PLXNA4: variants seen among roughly 807,000 people sequenced by gnomAD.
PLXNA4 encodes the protein plexin-A4.
A neutral mutation model predicts 191.8 loss-of-function variants in PLXNA4; 44 were observed. The ratio of observed to expected loss-of-function variants is 0.23; its 90% CI spans 0.18 to 0.29. The LOEUF is 0.29. Ranked by LOEUF, PLXNA4 falls within the 10% of genes least tolerant of loss-of-function variation. The pLI is 1.00. For missense variants in PLXNA4, 1,800 were observed against 2,488.8 expected (o/e 0.72, Z 5.89); for synonymous variants, 1,082 against 1,009.5 (o/e 1.07, Z -1.36).
At chr7:132,630,733 A>G (rs1474050918) in intron 2 of PLXNA4, among the ~76,000 whole-genome samples, 1 of 152,020 alleles carries the variant, frequency 6.6e-6, no homozygotes, top group Non-Finnish European at 1.5e-5. Context: ...GGATGGTCTC[A>G]ATCTCCTGAC....
At position 132,467,509 on chromosome 7, in the gene PLXNA4, C is replaced by T. The variant is rs1413241680; in HGVS notation, c.1371+21783G>A. On this transcript the variant is annotated intron_variant, in intron 3 of 31. Transcript: ENST00000321063. ...GCTCACCAATGGTACTCACCAAAAA[C>T]TTCTTTGAAGATCCCACCTCTCAGC... Among the ~76,000 whole-genome samples, 3 of 152,188 alleles carry T rather than the reference C, an allele frequency of 2.0e-5. No homozygotes were observed. In the East Asian group the frequency reaches 5.8e-4, roughly 29 times the overall value.
At chr7:132,375,817 G>A (rs371372897) in intron 3 of PLXNA4, among the ~76,000 whole-genome samples, 9 of 152,212 alleles carry the variant, frequency 5.9e-5, no homozygotes, top group African/African-American at 2.2e-4. Flanking sequence ...TGGCATGTGG[G>A]GGAACAAAGC....
intron 14 of PLXNA4, 111 bp downstream of exon 14, chr7:132,193,951 A>T (rs1473719526): frequency 3.6e-6 from 5 of 1,390,360 alleles, no homozygotes; most frequent in East Asian, 4.9e-5. Flanking sequence ...GGGAGGTTGC[A>T]GGGCAGGCCC....
chr7:132,261,125 C>T (rs1329716639), intron 4 of PLXNA4, among the ~76,000 whole-genome samples: 4 of 152,206 alleles, frequency 2.6e-5, no homozygotes, highest in African/African-American at 9.6e-5. Flanking sequence ...ATTCAAATGT[C>T]CTTCCTTGCT....
chr7:132,473,258 T>G (rs1481998675), intron 3 of PLXNA4, among the ~76,000 whole-genome samples: 2 of 152,226 alleles, frequency 1.3e-5, no homozygotes, highest in Non-Finnish European at 2.9e-5. Context: ...TTGGTTTTTC[T>G]GGCTTCCTTA....
intron 3 of PLXNA4, among the ~76,000 whole-genome samples, chr7:132,438,475 C>T (rs2288981): frequency 0.7 from 106,506 of 152,146 alleles, 43,413 homozygotes; most frequent in Non-Finnish European, 0.91. Flanking sequence ...AAGAAAGCCA[C>T]AGTTCATATT....
chr7:132,311,112 C>A (rs1273387338), intron 3 of PLXNA4, among the ~76,000 whole-genome samples: 1 of 150,164 alleles, frequency 6.7e-6, no homozygotes, highest in African/African-American at 2.5e-5. Flanking sequence ...GGGATCTATA[C>A]CAGGATTTCA....
At chr7:132,208,336 G>A (rs965095523) in intron 10 of PLXNA4, among the ~76,000 whole-genome samples, 1 of 152,188 alleles carries the variant, frequency 6.6e-6, no homozygotes, top group East Asian at 1.9e-4. Context: ...ACTTTAAAAT[G>A]GTAGAGAAAT....
chr7:132,290,443 ATCT>A (rs1197942095), intron 4 of PLXNA4, among the ~76,000 whole-genome samples: 9 of 152,090 alleles, frequency 5.9e-5, no homozygotes, highest in African/African-American at 1.9e-4. Flanking sequence ...CTGCCACCTC[ATCT>A]TCTCATTTAT....
At chr7:132,235,233 G>T (rs964335535) in intron 5 of PLXNA4, among the ~76,000 whole-genome samples, 1 of 152,236 alleles carries the variant, frequency 6.6e-6, no homozygotes, top group Non-Finnish European at 1.5e-5. Flanking sequence ...GGCCACTTCA[G>T]GCATGAGGAC....
intron 3 of PLXNA4, among the ~76,000 whole-genome samples, chr7:132,481,859 T>A (rs1797351214): frequency 1.3e-5 from 2 of 152,208 alleles, no homozygotes; most frequent in African/African-American, 4.8e-5. Context: ...GCCTCCTTGT[T>A]GAGGAAGTTT....
intron 4 of PLXNA4, among the ~76,000 whole-genome samples, chr7:132,256,876 G>A (rs976657519): frequency 6.6e-6 from 1 of 152,166 alleles, no homozygotes; most frequent in Non-Finnish European, 1.5e-5. Flanking sequence ...GGCTATGGGG[G>A]CACAGGGACA....
chr7:132,632,381 C>T (rs990209156), intron 2 of PLXNA4, among the ~76,000 whole-genome samples: 4 of 151,980 alleles, frequency 2.6e-5, no homozygotes, highest in African/African-American at 9.7e-5. Context: ...TACACATTAA[C>T]TCATTTGATC....
intron 3 of PLXNA4, among the ~76,000 whole-genome samples, chr7:132,353,097 T>C (rs1014689146): frequency 1.3e-5 from 2 of 152,228 alleles, no homozygotes; most frequent in Non-Finnish European, 2.9e-5. Flanking sequence ...ATTTCCACGC[T>C]TGTTTTTAGC....
intron 4 of PLXNA4, among the ~76,000 whole-genome samples, chr7:132,267,351 C>A (rs1032039089): frequency 6.6e-6 from 1 of 152,228 alleles, no homozygotes; most frequent in Non-Finnish European, 1.5e-5. Context: ...CCTTGGACAA[C>A]CAACCACACA....
intron 12 of PLXNA4, among the ~76,000 whole-genome samples, chr7:132,202,233 ACCTC>A (rs1284804817): frequency 6.6e-6 from 1 of 151,672 alleles, no homozygotes. Context: ...GACCTTCTTC[ACCTC>A]CCCAGAGCCA....
At chr7:132,469,339 A>T (rs1047602350) in intron 3 of PLXNA4, among the ~76,000 whole-genome samples, 2 of 152,148 alleles carry the variant, frequency 1.3e-5, no homozygotes, top group Non-Finnish European at 2.9e-5. Flanking sequence ...TAGACCATAC[A>T]TGTGTAAAGC....
intron 3 of PLXNA4, among the ~76,000 whole-genome samples, chr7:132,381,144 G>A (rs1228008441): frequency 6.6e-6 from 1 of 152,216 alleles, no homozygotes; most frequent in Non-Finnish European, 1.5e-5. Flanking sequence ...CTGGCAACAG[G>A]TAGCACTTGC....
chr7:132,140,474 G>A, intron 30 of PLXNA4, 125 bp downstream of exon 30: 5 of 1,381,998 alleles, frequency 3.6e-6, no homozygotes, highest in African/African-American at 1.4e-5. Flanking sequence ...GCAGTGGCAG[G>A]ATTAGGCTTT....
Sources: gnomAD v4.1 joint callset for allele counts (sites outside exome capture counted in the v4.1 genomes callset) on GRCh38, gnomAD v4.1.1 for gene constraint, MANE v1.5 for transcripts, NCBI Gene and HGNC (gene_info 2026-07-23, HGNC 2026-07-21) for gene names.